The following TGFB1 variants were observed in gnomAD, a reference collection of about 807,000 sequenced individuals.
TGFB1 encodes the protein transforming growth factor beta-1 proprotein.
Under a neutral mutation model 43.8 loss-of-function variants are expected in TGFB1, and 19 were observed. That is an observed-to-expected ratio of 0.43 (90% CI 0.30 to 0.64). TGFB1 has a LOEUF of 0.64. Ranked by LOEUF, TGFB1 falls within the 30% of genes least tolerant of loss-of-function variation. TGFB1 has a pLI of 0.11. For missense variants in TGFB1, 445 were observed against 529.8 expected (o/e 0.84, Z 1.57); for synonymous variants, 221 against 236.3 (o/e 0.94, Z 0.60).
At chr19:41,342,289 T>C in intron 3 of TGFB1, 42 bp from the exon 4 acceptor site, 1 of 1,556,178 alleles carries the variant, frequency 6.4e-7, no homozygotes. Flanking sequence ...AGAGTGCAGC[T>C]CACCCAGCCC....
chr19:41,352,605 T>G lies in TGFB1; in HGVS notation c.355+85A>C, dbSNP rs545969731. On this transcript the variant is annotated intron_variant, in intron 1 of 6. Transcript: ENST00000221930. Reference sequence around the variant, plus strand: ...TCCTCTTCCTCCAGCCAGTTTCTTCTGCCAGTCACTTCCTACCCGTGGCCC... The same window carrying G: ...TCCTCTTCCTCCAGCCAGTTTCTTCGGCCAGTCACTTCCTACCCGTGGCCC... 7.8e-5 allele frequency: 117 copies of G among 1,501,360 alleles called. No homozygotes were observed. The African/African-American group carries it at 1.6e-3, about 20-fold the overall frequency. 93.0% of individuals were successfully genotyped at this position (1,501,360 alleles called of 1,614,324 possible).
At chr19:41,338,614 G>A (rs1425169356) in intron 5 of TGFB1, among the ~76,000 whole-genome samples, 3 of 150,580 alleles carry the variant, frequency 2.0e-5, no homozygotes, top group South Asian at 2.1e-4. Context: ...TGAGGTGGGC[G>A]GATTGCCTGA....
intron 1 of TGFB1, 21 bp from the exon 2 acceptor site, chr19:41,348,476 G>A (rs1332684932): frequency 1.2e-6 from 2 of 1,610,578 alleles, no homozygotes; most frequent in East Asian, 4.5e-5. Flanking sequence ...GAAATGAAGG[G>A]AGGCGATCAG....
intron 5 of TGFB1, among the ~76,000 whole-genome samples, chr19:41,333,553 G>A (rs922774827): frequency 6.6e-6 from 1 of 152,090 alleles, no homozygotes; most frequent in African/African-American, 2.4e-5. Context: ...TAGAGACACG[G>A]TCTCACTATG....
chr19:41,331,125 A>G lies in TGFB1; in HGVS notation c.1100T>C (p.Val367Ala). The change falls in exon 7 of 7, where the codon GTG becomes GCG. Residue 367 changes from valine to alanine, a missense_variant. Coordinates refer to ENST00000221930, the MANE Select transcript of TGFB1 (RefSeq NM_000660.7). ...CTTGGGCTTGCGGCCCACGTAGTAC[A>G]CGATGGGCAGCGGCTCCAGCGCCTG... ...VPQALEPLPI[V>A]YYVGRKPKVE... The G allele has an allele frequency of 4.4e-6, 7 of 1,580,954 alleles. No homozygotes were observed. Among genetic ancestry groups the G allele is most frequent in the Non-Finnish European group, 5.1e-6 (6 of 1,165,542 alleles).
Position 41,332,111 on chromosome 19 carries a change from C to A in TGFB1, c.1014+17G>T. 2 of 1,606,568 alleles carry A rather than the reference C, an allele frequency of 1.2e-6. No homozygotes were observed. Among genetic ancestry groups the A allele is most frequent in the Non-Finnish European group, 1.7e-6 (2 of 1,173,700 alleles). On this transcript the variant is annotated intron_variant, in intron 6 of 6. Coordinates refer to ENST00000221930, the MANE Select transcript of TGFB1 (RefSeq NM_000660.7). ...CTCCCCCCAAGCGCATCTCGTAGCC[C>A]GGTGGGCCAGACGTACCTTGCTGTA...
chr19:41,342,676 G>A (rs559078214), intron 3 of TGFB1, among the ~76,000 whole-genome samples: 9 of 151,852 alleles, frequency 5.9e-5, no homozygotes, highest in South Asian at 2.1e-4. Context: ...CACCACACCC[G>A]GCTAATTTTT....
At chr19:41,344,886 A>T (rs1475246589) in intron 2 of TGFB1, 22 bp from the exon 3 acceptor site, 1 of 1,559,830 alleles carries the variant, frequency 6.4e-7, no homozygotes, top group East Asian at 2.4e-5. Flanking sequence ...TGAAGGCAGG[A>T]GAGAGACAGT....
chr19:41,332,013 C>T, intron 6 of TGFB1, 115 bp downstream of exon 6: 1 of 1,380,498 alleles, frequency 7.2e-7, no homozygotes, highest in African/African-American at 1.4e-5. Context: ...CCCCATCCCT[C>T]TCTTTCTCCC....
At chr19:41,334,006 C>G (rs2037962497) in intron 5 of TGFB1, among the ~76,000 whole-genome samples, 1 of 152,168 alleles carries the variant, frequency 6.6e-6, no homozygotes, top group Admixed American at 6.6e-5. Context: ...GAATTTAAAT[C>G]AGAATAGGAA....
At position 41,330,939 on chromosome 19, in the gene TGFB1, C is replaced by G; in HGVS notation, c.*113G>C. Reference sequence around the variant, plus strand: ...TCCTCTCTCCATCTTTAATGGGGCCCCAGGTGGGCTTGGGGCACGGGTGTC... The same window carrying G: ...TCCTCTCTCCATCTTTAATGGGGCCGCAGGTGGGCTTGGGGCACGGGTGTC... On this transcript the variant is annotated 3_prime_UTR_variant, in exon 7 of 7. Coordinates refer to ENST00000221930, the MANE Select transcript of TGFB1 (RefSeq NM_000660.7). 9.7e-7 allele frequency: 1 copy of G among 1,034,132 alleles called. No individual in the cohort carries two copies. The highest frequency in any genetic ancestry group is 1.8e-5 in the South Asian group (1 of 56,212). The allele number at this position is 1,034,132 out of a possible 1,614,324, so 64.1% of individuals were successfully genotyped here.
chr19:41,341,998 T>A lies in TGFB1; in HGVS notation c.745A>T (p.Thr249Ser). The part of the protein sequence containing the change: ...FTTGRRGDLA[T>S]IHGMNRPFLL... ...AAAGGCCGGTTCATGCCATGAATGG[T>A]GGCCAGGTCACCTCGGCGGCCGGTA... Residue 249 changes from threonine to serine, a missense_variant, in exon 5 of 7, where the codon ACC (threonine) becomes TCC (serine). Transcript: ENST00000221930. The A allele has an allele frequency of 6.2e-7, 1 of 1,614,132 alleles. No individual in the cohort carries two copies. Among genetic ancestry groups the A allele is most frequent in the Non-Finnish European group, 8.5e-7 (1 of 1,180,024 alleles).
In TGFB1 at chr19:41,336,367, C is replaced by G. The variant is rs138494688; in HGVS notation, c.861-4086G>C. 4.5e-4 allele frequency among the ~76,000 whole-genome samples: 68 copies of G among 150,936 alleles called. 1 individual carries two copies. The East Asian group carries it at 0.012, about 27-fold the overall frequency. On this transcript the variant is annotated intron_variant, in intron 5 of 6. Transcript: ENST00000221930. ...CTCATGGCCAATTTCCATTGCATCT[C>G]TACCCCTATCCACTATCTCTTTTTT...
chr19:41,338,029 T>C (rs2038007411), intron 5 of TGFB1, among the ~76,000 whole-genome samples: 1 of 151,126 alleles, frequency 6.6e-6, no homozygotes, highest in Non-Finnish European at 1.5e-5. Context: ...CCGTCTCTAC[T>C]AAAAATACAA....
chr19:41,352,997 C>CAGCAGCGGT lies in TGFB1; in HGVS notation c.39_47dup (p.Pro14_Leu16dup), dbSNP rs1378404565. The CAGCAGCGGT allele has an allele frequency of 4.9e-5, 76 of 1,537,348 alleles. 1 individual carries two copies. In the Admixed American group the frequency reaches 6.1e-4, roughly 12 times the overall value. On this transcript the variant is annotated inframe_insertion, in exon 1 of 7. Transcript: ENST00000221930. ...GGCCAGGCGTCAGCACCAGTAGCCA[C>CAGCAGCGGT]AGCAGCGGTAGCAGCAGCGGCAGCA...
chr19:41,331,326 C>A (rs1189890676), intron 6 of TGFB1, 116 bp from the exon 7 acceptor site: 2 of 1,257,362 alleles, frequency 1.6e-6, no homozygotes, highest in East Asian at 2.7e-5. Context: ...TCTCTCCCCG[C>A]ATCCCCTCTT....
At chr19:41,332,958 G>A (rs2037949849) in intron 5 of TGFB1, among the ~76,000 whole-genome samples, 1 of 152,032 alleles carries the variant, frequency 6.6e-6, no homozygotes, top group Non-Finnish European at 1.5e-5. Context: ...TCACTCCTCT[G>A]CTCTGAACCT....
chr19:41,339,412 C>A (rs1049109349), intron 5 of TGFB1, among the ~76,000 whole-genome samples: 1 of 152,044 alleles, frequency 6.6e-6, no homozygotes, highest in Non-Finnish European at 1.5e-5. Context: ...AGCCACCGCA[C>A]CTGGCCTTCA....
rs771748887 is a variant in TGFB1, at chr19:41,331,169, C to G, written c.1056G>C (p.Ala352=). ...LYNQHNPGAS[A]APCCVPQALE... is the part of the protein sequence containing the mutation. ...GCGCCTGCGGCACGCAGCACGGCGC[C>G]GCCGAGGCGCCCGGGTTATGCTGGT... Residue 352 remains alanine (A), a synonymous_variant, in exon 7 of 7, where the codon GCG becomes GCC. Transcript: ENST00000221930. 6.4e-7 allele frequency: 1 copy of G among 1,553,288 alleles called. No individual in the cohort carries two copies. Among genetic ancestry groups the G allele is most frequent in the Non-Finnish European group, 8.7e-7 (1 of 1,151,534 alleles).
Sources: gnomAD v4.1 joint callset for allele counts (sites outside exome capture counted in the v4.1 genomes callset) on GRCh38, gnomAD v4.1.1 for gene constraint, MANE v1.5 for transcripts, NCBI Gene and HGNC (gene_info 2026-07-23, HGNC 2026-07-21) for gene names.